The following SCAMP1 variants were observed in gnomAD, a reference collection of about 807,000 sequenced individuals.
SCAMP1 encodes the protein secretory carrier membrane protein 1.
Under a neutral mutation model 41.8 loss-of-function variants are expected in SCAMP1, and 15 were observed. The observed-to-expected ratio is 0.36, with a 90% CI of 0.24 to 0.55. SCAMP1 has a LOEUF of 0.55. Ranked by LOEUF, SCAMP1 falls within the 20% of genes least tolerant of loss-of-function variation. The pLI, the probability that SCAMP1 is intolerant of heterozygous loss-of-function variation, is 0.86. For missense variants in SCAMP1, 341 were observed against 412.6 expected, an observed-to-expected ratio of 0.83 and a Z score of 1.50; for synonymous variants, 135 against 136.8, an observed-to-expected ratio of 0.99 and a Z score of 0.09.
chr5:78,416,401 G>A, intron 3 of SCAMP1, 140 bp from the exon 4 acceptor site: 1 of 570,296 alleles, frequency 1.8e-6, no homozygotes, highest in Non-Finnish European at 2.9e-6. Flanking sequence ...CTGTAACTAT[G>A]ATCTTCAGTA....
chr5:78,415,070 C>T (rs1024903090), intron 2 of SCAMP1, among the ~76,000 whole-genome samples: 2 of 151,894 alleles, frequency 1.3e-5, no homozygotes, highest in Non-Finnish European at 2.9e-5. Flanking sequence ...TCTCCTGCCT[C>T]AGCCTCCCAA....
intron 7 of SCAMP1, among the ~76,000 whole-genome samples, chr5:78,456,472 G>A (rs1188892331): frequency 6.6e-6 from 1 of 151,806 alleles, no homozygotes; most frequent in Non-Finnish European, 1.5e-5. Flanking sequence ...ATGAAATTCT[G>A]GGTTGAAAAT....
intron 1 of SCAMP1, among the ~76,000 whole-genome samples, chr5:78,369,074 G>A (rs982868397): frequency 3.3e-5 from 5 of 151,636 alleles, no homozygotes; most frequent in Non-Finnish European, 7.4e-5. Flanking sequence ...CAGAGAATGG[G>A]AACAACTGGT....
intron 2 of SCAMP1, among the ~76,000 whole-genome samples, chr5:78,389,495 C>G (rs534185300): frequency 2.6e-5 from 4 of 152,024 alleles, no homozygotes; most frequent in Non-Finnish European, 5.9e-5. Flanking sequence ...TCTTGAACTC[C>G]TGGTCTCAAT....
intron 7 of SCAMP1, among the ~76,000 whole-genome samples, chr5:78,452,340 C>T (rs1469482685): frequency 1.6e-5 from 2 of 123,902 alleles, no homozygotes; most frequent in Non-Finnish European, 3.3e-5. Context: ...CCCCCTCCCT[C>T]CCCCCACCCC....
chr5:78,470,037 C>G (rs562929116), intron 8 of SCAMP1, among the ~76,000 whole-genome samples: 1 of 149,792 alleles, frequency 6.7e-6, no homozygotes, highest in South Asian at 2.1e-4. Flanking sequence ...CTGCAGTGAG[C>G]TATGATTGCA....
At chr5:78,427,381 A>G (rs1008367647) in intron 6 of SCAMP1, among the ~76,000 whole-genome samples, 2 of 152,202 alleles carry the variant, frequency 1.3e-5, no homozygotes, top group East Asian at 1.9e-4. Context: ...TGATACCCTC[A>G]TAACACAAAC....
At chr5:78,424,535 G>C (rs1414278917) in intron 6 of SCAMP1, among the ~76,000 whole-genome samples, 2 of 152,066 alleles carry the variant, frequency 1.3e-5, no homozygotes, top group Non-Finnish European at 2.9e-5. Context: ...TTTGAGAACA[G>C]CCTGGCCAAC....
intron 6 of SCAMP1, among the ~76,000 whole-genome samples, chr5:78,424,735 AAAC>A (rs796363250): frequency 9.2e-4 from 140 of 152,304 alleles, no homozygotes; most frequent in African/African-American, 3.2e-3. Context: ...AAAAGAAGAA[AAAC>A]AACAAAAAAA....
rs139523210 is a variant in SCAMP1, at chr5:78,365,522, G to T, written c.57+4794G>T. On this transcript the variant is annotated intron_variant, in intron 1 of 8. Transcript: ENST00000621999. ...AAGTTCTGTTTAATAATCTCTATAT[G>T]CTTAGCTATGAATTTAGTGAAATTT... Among the ~76,000 whole-genome samples the T allele has an allele frequency of 4.7e-3, 698 of 146,964 alleles. 4 individuals carry two copies. The highest frequency in any genetic ancestry group is 0.016 in the African/African-American group (647 of 39,804).
intron 1 of SCAMP1, among the ~76,000 whole-genome samples, chr5:78,373,718 AGT>A (rs1751000198): frequency 6.6e-6 from 1 of 152,134 alleles, no homozygotes; most frequent in South Asian, 2.1e-4. Context: ...TACAAAATAG[AGT>A]GTGAAATTTG....
chr5:78,460,803 T>TC (rs1276933313), intron 8 of SCAMP1, among the ~76,000 whole-genome samples: 1 of 45,752 alleles, frequency 2.2e-5, no homozygotes, highest in Non-Finnish European at 4.9e-5. Flanking sequence ...CTTCCTTCCT[T>TC]CCTCCCTTCC....
At chr5:78,381,628 G>T (rs978687671) in intron 1 of SCAMP1, among the ~76,000 whole-genome samples, 2 of 152,108 alleles carry the variant, frequency 1.3e-5, no homozygotes, top group Non-Finnish European at 2.9e-5. Flanking sequence ...TTTTGGAGGG[G>T]AACCCTGGGA....
At chr5:78,470,342 T>C (rs902462780) in intron 8 of SCAMP1, among the ~76,000 whole-genome samples, 1 of 152,206 alleles carries the variant, frequency 6.6e-6, no homozygotes, top group Non-Finnish European at 1.5e-5. Context: ...TATTCCTCCC[T>C]ATTCTCAGCC....
rs1754048331 is a variant in SCAMP1 at position 78,478,178 on chromosome 5, C to T, written c.*2510C>T. 1.3e-5 allele frequency: 2 copies of T among 152,498 alleles called. No homozygotes were observed. Among genetic ancestry groups the T allele is most frequent in the African/African-American group, 4.8e-5 (2 of 41,410 alleles). 9.4% of individuals were successfully genotyped at this position (152,498 alleles called of 1,614,324 possible). A position where few individuals can be genotyped will look rare whatever the true frequency, so the allele number is the denominator to read the frequency against. On this transcript the variant is annotated 3_prime_UTR_variant, in exon 9 of 9. Coordinates refer to ENST00000621999, the MANE Select transcript of SCAMP1 (RefSeq NM_004866.6). ...TGACTGTCATGGTTCTACAGAAATG[C>T]CCTCCATGTGTCCCTCTAATGTTGC...
chr5:78,441,055 G>A (rs1033917504), intron 6 of SCAMP1, among the ~76,000 whole-genome samples: 9 of 152,318 alleles, frequency 5.9e-5, no homozygotes, highest in African/African-American at 1.9e-4. Context: ...AAGACCATTG[G>A]AAAAGCACAG....
chr5:78,458,671 G>A (rs1298804724), intron 7 of SCAMP1, among the ~76,000 whole-genome samples: 2 of 152,188 alleles, frequency 1.3e-5, no homozygotes, highest in Non-Finnish European at 1.5e-5. Flanking sequence ...CACGAGGTCA[G>A]GAGTTCGAGA....
At chr5:78,403,636 TACAAAACAAA>T (rs567714764) in intron 2 of SCAMP1, among the ~76,000 whole-genome samples, 7 of 152,102 alleles carry the variant, frequency 4.6e-5, no homozygotes, top group Admixed American at 1.3e-4. Context: ...ATCCTGTCTC[TACAAAACAAA>T]ACAAAACAAA....
chr5:78,413,745 A>G (rs1181243919), intron 2 of SCAMP1, among the ~76,000 whole-genome samples: 1 of 152,094 alleles, frequency 6.6e-6, no homozygotes, highest in Non-Finnish European at 1.5e-5. Flanking sequence ...TATGCATTTT[A>G]GAATCAGCTG....
Sources: gnomAD v4.1 joint callset for allele counts (sites outside exome capture counted in the v4.1 genomes callset) on GRCh38, gnomAD v4.1.1 for gene constraint, MANE v1.5 for transcripts, NCBI Gene and HGNC (gene_info 2026-07-23, HGNC 2026-07-21) for gene names.